The following SYTL3 variants were observed in gnomAD, a reference collection of about 807,000 sequenced individuals.
SYTL3 encodes synaptotagmin like 3.
Under a neutral mutation model 82.1 loss-of-function variants are expected in SYTL3, and 88 were observed. The ratio of observed to expected loss-of-function variants is 1.07; its 90% confidence interval spans 0.90 to 1.28. SYTL3 has a LOEUF of 1.28. SYTL3 is among the 50% of genes most tolerant of loss of function. The pLI is 0.00. For missense variants in SYTL3, 831 were observed against 757.6 expected (o/e 1.10, Z -1.14); for synonymous variants, 311 against 289.4 (o/e 1.07, Z -0.76).
At chr6:158,696,770 A>C (rs1196864891) in intron 6 of SYTL3, among the ~76,000 whole-genome samples, 1 of 152,090 alleles carries the variant, frequency 6.6e-6, no homozygotes, top group African/African-American at 2.4e-5. Flanking sequence ...CAGATCTCAA[A>C]ACTTACTACA....
chr6:158,708,680 C>T (rs1312363076), intron 8 of SYTL3, among the ~76,000 whole-genome samples: 1 of 152,170 alleles, frequency 6.6e-6, no homozygotes, highest in African/African-American at 2.4e-5. Context: ...CAACTCTGCT[C>T]TGTGCTGGGC....
chr6:158,710,690 AT>A (rs955172007), intron 8 of SYTL3, among the ~76,000 whole-genome samples: 131 of 148,476 alleles, frequency 8.8e-4, no homozygotes, highest in African/African-American at 3.2e-3. Flanking sequence ...GATTTCTTGT[AT>A]TTTTTTTGCC....
At chr6:158,725,777 C>T in intron 11 of SYTL3, 140 bp downstream of exon 11, 1 of 1,142,138 alleles carries the variant, frequency 8.8e-7, no homozygotes, top group Non-Finnish European at 1.3e-6. Flanking sequence ...TATTATCCAT[C>T]CTTCCATTCC....
At chr6:158,674,339 C>G (rs1777788923) in intron 5 of SYTL3, among the ~76,000 whole-genome samples, 1 of 152,036 alleles carries the variant, frequency 6.6e-6, no homozygotes, top group Non-Finnish European at 1.5e-5. Flanking sequence ...CATCCTGGCT[C>G]TTCCTTCTAT....
intron 11 of SYTL3, among the ~76,000 whole-genome samples, chr6:158,727,689 C>CTTT (rs55657606): frequency 5.6e-5 from 6 of 106,728 alleles, no homozygotes; most frequent in South Asian, 3.2e-4. Context: ...TCCAAGTACT[C>CTTT]TTTTTTTTTT....
At chr6:158,706,247 C>T (rs191271365) in intron 6 of SYTL3, among the ~76,000 whole-genome samples, 3 of 152,210 alleles carry the variant, frequency 2.0e-5, no homozygotes, top group Non-Finnish European at 2.9e-5. Flanking sequence ...CTCCTGCACT[C>T]GCTATGGCCA....
intron 2 of SYTL3, among the ~76,000 whole-genome samples, chr6:158,656,165 C>T (rs368425797): frequency 2.6e-5 from 4 of 152,256 alleles, no homozygotes; most frequent in South Asian, 4.1e-4. Flanking sequence ...TCACATCTGC[C>T]GTCTCTCACC....
At chr6:158,690,238 T>G (rs1779719248) in intron 6 of SYTL3, among the ~76,000 whole-genome samples, 2 of 152,216 alleles carry the variant, frequency 1.3e-5, no homozygotes, top group Non-Finnish European at 2.9e-5. Flanking sequence ...AAGGAATAAG[T>G]GAATAAATAA....
chr6:158,710,329 C>A (rs201267039), intron 8 of SYTL3, among the ~76,000 whole-genome samples: 8 of 152,228 alleles, frequency 5.3e-5, no homozygotes, highest in Middle Eastern at 3.4e-3. Flanking sequence ...TGAGATGGAT[C>A]AAAAACCGCC....
At chr6:158,725,939 G>A (rs1784676627) in intron 11 of SYTL3, 1 of 677,866 alleles carries the variant, frequency 1.5e-6, no homozygotes, top group East Asian at 3.2e-5. Flanking sequence ...CGCGTAAACA[G>A]ATAGGGCAGG....
chr6:158,683,395 A>G (rs1420083007), intron 6 of SYTL3, among the ~76,000 whole-genome samples: 1 of 151,504 alleles, frequency 6.6e-6, no homozygotes, highest in Non-Finnish European at 1.5e-5. Context: ...TAATTTTTCT[A>G]TTTTTAGTAG....
At chr6:158,671,133 T>G (rs1777337392) in intron 5 of SYTL3, among the ~76,000 whole-genome samples, 1 of 152,154 alleles carries the variant, frequency 6.6e-6, no homozygotes, top group Non-Finnish European at 1.5e-5. Context: ...AAAAAAAGTT[T>G]CTTTTGTGTT....
chr6:158,745,659 G>A lies in SYTL3; in HGVS notation c.1034+1G>A, dbSNP rs191050527. 19 of 1,577,962 alleles carry A rather than the reference G, an allele frequency of 1.2e-5. No homozygotes were observed. Among genetic ancestry groups the A allele is most frequent in the East Asian group, 1.1e-4 (5 of 44,188 alleles). On this transcript the variant is annotated splice_donor_variant, in intron 12 of 17. Coordinates refer to ENST00000611299, the MANE Select transcript of SYTL3 (RefSeq NM_001242394.2). LOFTEE classifies it high-confidence loss of function. Reference sequence around the variant, plus strand: ...AAGAAAAGAAGAAAAAGTGCAATCCGTAAGTTGTTTTTTTTAAGTTTAACA... The same window carrying A: ...AAGAAAAGAAGAAAAAGTGCAATCCATAAGTTGTTTTTTTTAAGTTTAACA...
At chr6:158,653,160 C>T (rs1272232806) in intron 2 of SYTL3, among the ~76,000 whole-genome samples, 1 of 152,154 alleles carries the variant, frequency 6.6e-6, no homozygotes, top group African/African-American at 2.4e-5. Flanking sequence ...GAGCTGAGAG[C>T]TGTTCTTTAT....
chr6:158,700,694 G>A (rs1050681712), intron 6 of SYTL3, among the ~76,000 whole-genome samples: 1 of 152,150 alleles, frequency 6.6e-6, no homozygotes, highest in Non-Finnish European at 1.5e-5. Context: ...TTGGCTCACT[G>A]CAAGGTCCGC....
intron 5 of SYTL3, among the ~76,000 whole-genome samples, chr6:158,679,966 G>A (rs1356860068): frequency 3.3e-5 from 5 of 152,200 alleles, no homozygotes; most frequent in Non-Finnish European, 5.9e-5. Context: ...TTTGGGCCCA[G>A]TGGTAACGGG....
At chr6:158,728,809 G>A (rs1001628102) in intron 11 of SYTL3, among the ~76,000 whole-genome samples, 12 of 152,140 alleles carry the variant, frequency 7.9e-5, no homozygotes, top group African/African-American at 2.4e-4. Flanking sequence ...GCGCGGTGGC[G>A]CCACTGCACT....
chr6:158,647,547 G>A (rs2128340119), upstream of SYTL3, among the ~76,000 whole-genome samples: 1 of 152,332 alleles, frequency 6.6e-6, no homozygotes, highest in Non-Finnish European at 1.5e-5. Flanking sequence ...ATGTGATGTT[G>A]TAGTGCTTGG....
rs1790602994 is a variant in SYTL3, at chr6:158,764,860, G to A, written c.*256G>A. ...AAATGGCCAGATTTTAATAAACGTT[G>A]TTACCCATGTCCTCCAGTGCTTATC... On this transcript the variant is annotated 3_prime_UTR_variant, in exon 18 of 18. Transcript: ENST00000611299. The A allele has an allele frequency of 5.2e-6, 2 of 385,226 alleles. No homozygotes were observed. The highest frequency in any genetic ancestry group is 4.7e-6 in the Non-Finnish European group (1 of 212,024). 23.9% of individuals were successfully genotyped at this position (385,226 alleles called of 1,614,324 possible).
Sources: gnomAD v4.1 joint callset for allele counts (sites outside exome capture counted in the v4.1 genomes callset) on GRCh38, gnomAD v4.1.1 for gene constraint, MANE v1.5 for transcripts, NCBI Gene and HGNC (gene_info 2026-07-23, HGNC 2026-07-21) for gene names.